The following LPIN1 variants were observed in gnomAD, a reference collection of about 807,000 sequenced individuals.
LPIN1 encodes the protein lipin 1, also known as phosphatidate phosphatase LPIN1.
A neutral mutation model predicts 107.5 loss-of-function variants in LPIN1; 71 were observed. The ratio of observed to expected loss-of-function variants is 0.66; its 90% CI spans 0.55 to 0.80. LPIN1 has a LOEUF of 0.80. Among genes scored for constraint, LPIN1 ranks in the 30% least tolerant of loss-of-function variants. The pLI, the probability that LPIN1 is intolerant of heterozygous loss-of-function variation, is 0.00. For synonymous variants in LPIN1, 445 were observed against 452.6 expected, an observed-to-expected ratio of 0.98 and a Z score of 0.21; for missense variants, 1,043 against 1,160.6, an observed-to-expected ratio of 0.90 and a Z score of 1.47.
At chr2:11,768,901 A>G (rs1253193896) in intron 3 of LPIN1, among the ~76,000 whole-genome samples, 28 of 152,172 alleles carry the variant, frequency 1.8e-4, no homozygotes. Flanking sequence ...GCGCCACTGC[A>G]CTCCAGCCTG....
chr2:11,776,422 AGAT>A (rs1672689050), intron 6 of LPIN1, among the ~76,000 whole-genome samples: 1 of 151,794 alleles, frequency 6.6e-6, no homozygotes. Context: ...AAGCATTTGT[AGAT>A]GATCAGATTT....
chr2:11,697,698 C>G lies in LPIN1; in HGVS notation c.82-16058C>G, dbSNP rs1441976618. 2.0e-5 allele frequency among the ~76,000 whole-genome samples: 3 copies of G among 152,150 alleles called. No homozygotes were observed. The highest frequency in any genetic ancestry group is 2.9e-5 in the Non-Finnish European group (2 of 68,026). On this transcript the variant is annotated intron_variant, in intron 1 of 21. Coordinates refer to the LPIN1 transcript ENST00000449576. The surrounding 1 kb of genome is among the most constrained non-coding windows in gnomAD (Gnocchi z 4.6). ...GGGCTGGTTTTGCAGCCACTGAAAACCTGAATCACACTGAGTCATCCTGTT... is the reference window on the plus strand; with the variant it reads ...GGGCTGGTTTTGCAGCCACTGAAAAGCTGAATCACACTGAGTCATCCTGTT...
At chr2:11,739,244 G>A (rs1666098769) in intron 1 of LPIN1, among the ~76,000 whole-genome samples, 1 of 152,216 alleles carries the variant, frequency 6.6e-6, no homozygotes, top group African/African-American at 2.4e-5. Context: ...ACAGCCATGT[G>A]AGTCACCGTC....
At chr2:11,738,966 C>A (rs750456651) in intron 1 of LPIN1, among the ~76,000 whole-genome samples, 8 of 152,212 alleles carry the variant, frequency 5.3e-5, no homozygotes, top group Non-Finnish European at 1.0e-4. Flanking sequence ...GAAATAGATC[C>A]CTAAATTATC....
intron 1 of LPIN1, among the ~76,000 whole-genome samples, chr2:11,711,643 C>T (rs1038339536): frequency 2.6e-5 from 4 of 152,176 alleles, no homozygotes; most frequent in African/African-American, 4.8e-5. Context: ...CTTCAACCCC[C>T]CAATCCAAGT....
chr2:11,722,348 G>A (rs994906305), upstream of LPIN1: 1 of 152,246 alleles, frequency 6.6e-6, no homozygotes, highest in African/African-American at 2.4e-5. Flanking sequence ...TCCTCACACT[G>A]GGTTTCCTTT....
chr2:11,803,127 T>C lies in LPIN1; in HGVS notation c.2013+94T>C. The C allele has an allele frequency of 1.9e-6, 3 of 1,549,122 alleles. No individual in the cohort carries two copies. Among genetic ancestry groups the C allele is most frequent in the Non-Finnish European group, 2.7e-6 (3 of 1,131,084 alleles). On this transcript the variant is annotated intron_variant, in intron 15 of 20. Coordinates refer to ENST00000674199, the MANE Select transcript of LPIN1 (RefSeq NM_001349206.2). The surrounding 1 kb of genome is among the most constrained non-coding windows in gnomAD (Gnocchi z 4.2). Reference sequence around the variant, plus strand: ...GTGATGGTTGGGATGTGCCCGTTACTTGTCACCTTTCATCCCAGGGGGCCT... The same window carrying C: ...GTGATGGTTGGGATGTGCCCGTTACCTGTCACCTTTCATCCCAGGGGGCCT...
At chr2:11,712,123 C>T (rs1016074107) in intron 1 of LPIN1, among the ~76,000 whole-genome samples, 4 of 152,382 alleles carry the variant, frequency 2.6e-5, no homozygotes, top group South Asian at 2.1e-4. Flanking sequence ...CCCCTGCCTC[C>T]TTGCCCCCTG....
At chr2:11,785,651 G>A (rs978145586) in intron 10 of LPIN1, among the ~76,000 whole-genome samples, 4 of 151,806 alleles carry the variant, frequency 2.6e-5, no homozygotes, top group African/African-American at 4.8e-5. Context: ...CACCCCTCCC[G>A]CCCCCTCTCT....
upstream of LPIN1, chr2:11,723,817 G>A (rs1364032654): frequency 2.0e-5 from 3 of 152,098 alleles, no homozygotes. Flanking sequence ...TTCCATTTTA[G>A]CATGTTAAAA....
intron 1 of LPIN1, among the ~76,000 whole-genome samples, chr2:11,704,741 C>T (rs1663043442): frequency 6.6e-6 from 1 of 152,190 alleles, no homozygotes; most frequent in African/African-American, 2.4e-5. Context: ...CTGGGATCCC[C>T]AGCCCTGGGT....
At chr2:11,717,110 A>G (rs1021508342) in intron 2 of LPIN1, among the ~76,000 whole-genome samples, 10 of 152,118 alleles carry the variant, frequency 6.6e-5, no homozygotes, top group Admixed American at 1.3e-4. Flanking sequence ...CTAGATTTAC[A>G]TTTATTTTTG....
rs1426723974 is a variant in LPIN1 at position 11,774,312 on chromosome 2, CT to C, written c.722+568del. ...GAAACCTCTGGGAATAGTGAGCCCC[CT>C]GGCTAGTTTTCAAAGGACTTGGGGA... is the stretch of plus-strand genomic sequence containing the variant. On this transcript the variant is annotated intron_variant, in intron 5 of 20. Transcript: ENST00000674199. This position sits in a 1 kb window ranked among gnomAD's most constrained non-coding sequence, Gnocchi z 4.4. Among the ~76,000 whole-genome samples the C allele has an allele frequency of 2.6e-5, 4 of 152,280 alleles. No homozygotes were observed. The highest frequency in any genetic ancestry group is 5.9e-5 in the Non-Finnish European group (4 of 68,020).
Position 11,715,903 on chromosome 2 carries a change from C to T in LPIN1, c.138+2091C>T, listed in dbSNP as rs560945383. On this transcript the variant is annotated intron_variant, in intron 2 of 21. Coordinates refer to the LPIN1 transcript ENST00000449576. Reference sequence around the variant, plus strand: ...CTACAGGTAATGGTATACAGGGGGCCGGGGCAGGTGGATTGAAAGGCCCCA... The same window carrying T: ...CTACAGGTAATGGTATACAGGGGGCTGGGGCAGGTGGATTGAAAGGCCCCA... Among the ~76,000 whole-genome samples, 10 of 152,114 alleles carry T rather than the reference C, an allele frequency of 6.6e-5. 1 individual carries two copies. In the South Asian group the frequency reaches 1.0e-3, roughly 16 times the overall value.
chr2:11,735,057 C>T (rs1558770084), intron 1 of LPIN1, among the ~76,000 whole-genome samples: 3 of 151,956 alleles, frequency 2.0e-5, no homozygotes, highest in Admixed American at 1.3e-4. Context: ...TTTGGGAGGC[C>T]GAGGCGGGCA....
At chr2:11,756,106 T>C (rs1029884159) in intron 1 of LPIN1, among the ~76,000 whole-genome samples, 2 of 152,226 alleles carry the variant, frequency 1.3e-5, no homozygotes, top group African/African-American at 4.8e-5. Flanking sequence ...GTACATTTAT[T>C]GAGACAGTTT....
intron 2 of LPIN1, among the ~76,000 whole-genome samples, chr2:11,717,820 A>C (rs1663855938): frequency 6.6e-6 from 1 of 152,136 alleles, no homozygotes; most frequent in African/African-American, 2.4e-5. Context: ...AGGCTGAGTC[A>C]TTTGCTCAAG....
At chr2:11,753,012 G>C (rs1056272343) in intron 1 of LPIN1, among the ~76,000 whole-genome samples, 17 of 152,150 alleles carry the variant, frequency 1.1e-4, no homozygotes, top group African/African-American at 4.1e-4. Flanking sequence ...AATTGCGGTC[G>C]TGAATGCTTT....
At chr2:11,769,103 G>C (rs1258585943) in intron 3 of LPIN1, among the ~76,000 whole-genome samples, 1 of 152,336 alleles carries the variant, frequency 6.6e-6, no homozygotes, top group Non-Finnish European at 1.5e-5. Context: ...GGCATTGCTG[G>C]GCCATGTGGT....
Sources: allele counts gnomAD v4.1 joint callset (sites outside exome capture counted in the v4.1 genomes callset), GRCh38; gene constraint gnomAD v4.1.1; non-coding constraint Gnocchi (gnomAD v3.1); transcripts MANE v1.5; gene names NCBI Gene and HGNC (gene_info 2026-07-23, HGNC 2026-07-21).